Variants in MGAT5B observed in about 807,000 individuals in gnomAD.
MGAT5B encodes the protein alpha-1,6-mannosylglycoprotein 6-beta-N-acetylglucosaminyltransferase B.
In MGAT5B, 54 loss-of-function variants were observed where a neutral mutation model predicts 95.1. That is an observed-to-expected ratio of 0.57 (90% CI 0.46 to 0.71). MGAT5B has a LOEUF of 0.71. Among genes scored for constraint, MGAT5B ranks in the 30% least tolerant of loss-of-function variants. MGAT5B has a pLI of 0.00. For missense variants in MGAT5B, 935 were observed against 1,088.6 expected (o/e 0.86, Z 1.99); for synonymous variants, 464 against 451.0 (o/e 1.03, Z -0.36).
At chr17:76,888,645 G>C (rs1167093124) in intron 3 of MGAT5B, among the ~76,000 whole-genome samples, 2 of 152,190 alleles carry the variant, frequency 1.3e-5, no homozygotes, top group East Asian at 3.8e-4. Flanking sequence ...AGGGGAAGCA[G>C]ACTGGACCAG....
chr17:76,932,258 G>A (rs1159308242), intron 10 of MGAT5B, among the ~76,000 whole-genome samples: 1 of 151,788 alleles, frequency 6.6e-6, no homozygotes, highest in Non-Finnish European at 1.5e-5. Flanking sequence ...TCAGCCTCTC[G>A]AGTGTCTGGG....
At chr17:76,936,531 G>C (rs1192320495) in intron 12 of MGAT5B, among the ~76,000 whole-genome samples, 1 of 152,210 alleles carries the variant, frequency 6.6e-6, no homozygotes, top group Non-Finnish European at 1.5e-5. Context: ...TCTAACCCAA[G>C]GTTACAAAGA....
At position 76,889,060 on chromosome 17, in the gene MGAT5B, C is replaced by T. The variant is rs1350367173; in HGVS notation, c.329+6762C>T. ...ATTCTTTTACTTTCCGAGTGAGAAA[C>T]GATGGTTTTGGTAGAATGCCTGGGG... On this transcript the variant is annotated intron_variant, in intron 3 of 17. Coordinates refer to ENST00000569840, the MANE Select transcript of MGAT5B (RefSeq NM_001199172.2). This position sits in a 1 kb window ranked among gnomAD's most constrained non-coding sequence, Gnocchi z 4.4. Among the ~76,000 whole-genome samples the T allele has an allele frequency of 2.0e-5, 3 of 152,172 alleles. No individual in the cohort carries two copies. Among genetic ancestry groups the T allele is most frequent in the Admixed American group, 6.5e-5 (1 of 15,270 alleles).
rs749497351 is a variant in MGAT5B, at chr17:76,933,309, G to T, written c.1428+12G>T. 3.1e-6 allele frequency: 5 copies of T among 1,598,206 alleles called. No homozygotes were observed. The highest frequency in any genetic ancestry group is 1.7e-6 in the Non-Finnish European group (2 of 1,179,700). ...CGAGGCAGCTCCAGGTATGGAAACC[G>T]CTTGCCGCCTGCCCCCTCTACCCTC... On this transcript the variant is annotated intron_variant, in intron 12 of 17. Transcript: ENST00000569840.
At chr17:76,927,791 A>G (rs898163607) in intron 10 of MGAT5B, among the ~76,000 whole-genome samples, 4 of 152,228 alleles carry the variant, frequency 2.6e-5, no homozygotes, top group Non-Finnish European at 1.5e-5. Flanking sequence ...TTGTCAGTAC[A>G]TCTGCCTCCA....
At chr17:76,893,114 G>A (rs1967938941) in intron 3 of MGAT5B, among the ~76,000 whole-genome samples, 1 of 152,096 alleles carries the variant, frequency 6.6e-6, no homozygotes, top group Non-Finnish European at 1.5e-5. Context: ...GTTCTTCCCT[G>A]TGGCCCTTGA....
chr17:76,895,998 G>A (rs574211685), intron 3 of MGAT5B, among the ~76,000 whole-genome samples: 26 of 152,272 alleles, frequency 1.7e-4, no homozygotes, highest in Admixed American at 5.2e-4. Context: ...AGAAGTCAGC[G>A]CTGGTGCTGC....
At position 76,885,507 on chromosome 17, in the gene MGAT5B, T is replaced by C. The variant is rs186443624; in HGVS notation, c.329+3209T>C. Reference sequence around the variant, plus strand: ...GGCTGGGGGTGGTACTGCTGGCGCATCCAGTGTTTCTCTGATTTTTTTCCG... The same window carrying C: ...GGCTGGGGGTGGTACTGCTGGCGCACCCAGTGTTTCTCTGATTTTTTTCCG... On this transcript the variant is annotated intron_variant, in intron 3 of 17. Coordinates refer to ENST00000569840, the MANE Select transcript of MGAT5B (RefSeq NM_001199172.2). Among the ~76,000 whole-genome samples the C allele has an allele frequency of 2.4e-3, 361 of 152,272 alleles. 2 individuals carry two copies. The highest frequency in any genetic ancestry group is 8.0e-3 in the African/African-American group (332 of 41,546).
Position 76,914,429 on chromosome 17 carries a change from G to A in MGAT5B, c.1025+8242G>A, listed in dbSNP as rs189626016. On this transcript the variant is annotated intron_variant, in intron 8 of 17. Transcript: ENST00000569840. The surrounding 1 kb of genome is among the most constrained non-coding windows in gnomAD (Gnocchi z 5.1). ...ACCAGTCAAAAGACCACATGCTGGG[G>A]GGTGTAAACCACACAAATGTGTCCT... Among the ~76,000 whole-genome samples, 23 of 152,264 alleles carry A rather than the reference G, an allele frequency of 1.5e-4. No individual in the cohort carries two copies. Among genetic ancestry groups the A allele is most frequent in the Non-Finnish European group, 1.5e-5 (1 of 68,020 alleles).
chr17:76,935,383 A>G (rs1227482772), intron 12 of MGAT5B, among the ~76,000 whole-genome samples: 1 of 81,800 alleles, frequency 1.2e-5, no homozygotes, highest in East Asian at 3.7e-4. Context: ...GCCCAAGAAT[A>G]TAATGGCTGG....
In MGAT5B at chr17:76,918,888, A is replaced by C. The variant is rs910423033; in HGVS notation, c.1026-6078A>C. On this transcript the variant is annotated intron_variant, in intron 8 of 17. Transcript: ENST00000569840. This position sits in a 1 kb window ranked among gnomAD's most constrained non-coding sequence, Gnocchi z 5.1. ...TTCTTTTTAATTAGGTCCCTCCCAC[A>C]CAAGAGAAAGAGAGAGAGAATAGTG... 1.4e-5 allele frequency among the ~76,000 whole-genome samples: 2 copies of C among 144,006 alleles called. No homozygotes were observed. The highest frequency in any genetic ancestry group is 5.5e-5 in the African/African-American group (2 of 36,484). 94.5% of individuals were successfully genotyped at this position (144,006 alleles called of 152,430 possible). A position where few individuals can be genotyped will look rare whatever the true frequency, so the allele number is the denominator to read the frequency against.
chr17:76,902,691 G>A, intron 4 of MGAT5B, 21 bp downstream of exon 4: 1 of 1,452,854 alleles, frequency 6.9e-7, no homozygotes, highest in South Asian at 1.2e-5. Flanking sequence ...GGGGGCGGGG[G>A]TACCCTCTAC....
At chr17:76,878,987 C>T (rs1287709691) in intron 2 of MGAT5B, among the ~76,000 whole-genome samples, 1 of 132,230 alleles carries the variant, frequency 7.6e-6, no homozygotes, top group Non-Finnish European at 1.7e-5. Context: ...GGCCTGGAGT[C>T]CAGGCTTCTG....
rs1969450496 is a variant in MGAT5B, at chr17:76,930,697, CT to C, written c.1292-1946del. Among the ~76,000 whole-genome samples, 1 of 152,174 alleles carries C rather than the reference CT, an allele frequency of 6.6e-6. No homozygotes were observed. The highest frequency in any genetic ancestry group is 1.9e-4 in the East Asian group (1 of 5,200). On this transcript the variant is annotated intron_variant, in intron 10 of 17. Coordinates refer to ENST00000569840, the MANE Select transcript of MGAT5B (RefSeq NM_001199172.2). This position sits in a 1 kb window ranked among gnomAD's most constrained non-coding sequence, Gnocchi z 4.1. ...CGTGAGATCAAACATGTTCCCTGGC[CT>C]TGGTGTGTAGGAGGGTGTGTGTCCT...
rs368849926 is a variant in MGAT5B at position 76,926,742 on chromosome 17, A to G, written c.1291+12A>G. 176 of 1,612,364 alleles carry G rather than the reference A, an allele frequency of 1.1e-4. No individual in the cohort carries two copies. The African/African-American group carries it at 1.8e-3, about 17-fold the overall frequency. Reference sequence around the variant, plus strand: ...CATGACCATGTTTCGTGAGTGCCCCACAGGGCAGGGGTGGGGTCGGAGGTC... The same window carrying G: ...CATGACCATGTTTCGTGAGTGCCCCGCAGGGCAGGGGTGGGGTCGGAGGTC... On this transcript the variant is annotated intron_variant, in intron 10 of 17. Coordinates refer to ENST00000569840, the MANE Select transcript of MGAT5B (RefSeq NM_001199172.2).
chr17:76,940,874 A>AC lies in MGAT5B; in HGVS notation c.1848+32dup, dbSNP rs774165632. ...GTGAGAGCAGCCACATACAGTTGAGACCCCCCACTAGTCCACACTGCTGGT... is the reference window on the plus strand; with the variant it reads ...GTGAGAGCAGCCACATACAGTTGAGACCCCCCCACTAGTCCACACTGCTGGT... On this transcript the variant is annotated intron_variant, in intron 15 of 17. Coordinates refer to ENST00000569840, the MANE Select transcript of MGAT5B (RefSeq NM_001199172.2). The surrounding 1 kb of genome is among the most constrained non-coding windows in gnomAD (Gnocchi z 4.3). 15 of 1,556,202 alleles carry AC rather than the reference A, an allele frequency of 9.6e-6. No homozygotes were observed. Among genetic ancestry groups the AC allele is most frequent in the Admixed American group, 6.7e-5 (4 of 59,890 alleles).
intron 3 of MGAT5B, among the ~76,000 whole-genome samples, chr17:76,897,731 CTT>C (rs59682650): frequency 0.036 from 3,010 of 84,310 alleles, 89 homozygotes; most frequent in African/African-American, 0.055. Context: ...CTTTCTTTTT[CTT>C]TTTTTTTTTT....
intron 8 of MGAT5B, among the ~76,000 whole-genome samples, 177 bp from the exon 9 acceptor site, chr17:76,924,789 C>T (rs1156689110): frequency 6.6e-6 from 1 of 152,202 alleles, no homozygotes; most frequent in African/African-American, 2.4e-5. Flanking sequence ...TGCTGGATTG[C>T]CTTGTGCAGT....
In MGAT5B at chr17:76,940,407, C is replaced by T; in HGVS notation, c.1590C>T (p.Phe530=). The T allele has an allele frequency of 6.2e-7, 1 of 1,602,480 alleles. No individual in the cohort carries two copies. Among genetic ancestry groups the T allele is most frequent in the Non-Finnish European group, 8.5e-7 (1 of 1,173,704 alleles). The change falls in exon 14 of 18, where the codon TTC becomes TTT. Residue 530 remains phenylalanine (F), a synonymous_variant. Coordinates refer to ENST00000569840, the MANE Select transcript of MGAT5B (RefSeq NM_001199172.2). This position sits in a 1 kb window ranked among gnomAD's most constrained non-coding sequence, Gnocchi z 4.3. ...FQQLLRKAKL[F]IGFGFPYEGP... ...TGCGCCCCTTGACTCTGCAGCTCTT[C>T]ATCGGGTTTGGCTTCCCCTACGAGG... is the stretch of plus-strand genomic sequence containing the variant.
Sources: gnomAD v4.1 joint callset for allele counts (sites outside exome capture counted in the v4.1 genomes callset) on GRCh38, gnomAD v4.1.1 for gene constraint, Gnocchi (gnomAD v3.1) non-coding constraint, MANE v1.5 for transcripts, NCBI Gene and HGNC (gene_info 2026-07-23, HGNC 2026-07-21) for gene names.